Variants in MEGF11 observed in about 807,000 individuals in gnomAD.
MEGF11 encodes multiple EGF like domains 11, also known as multiple epidermal growth factor-like domains protein 11.
Under a neutral mutation model 146.6 loss-of-function variants are expected in MEGF11, and 126 were observed. The ratio of observed to expected loss-of-function variants is 0.86; its 90% CI spans 0.74 to 1.00. The LOEUF (loss-of-function observed/expected upper bound fraction) is 1.00. MEGF11 is among the 50% of genes least tolerant of loss of function. The pLI is 0.00. For synonymous variants in MEGF11, 532 were observed against 583.4 expected (o/e 0.91, Z 1.27); for missense variants, 1,509 against 1,521.2 (o/e 0.99, Z 0.13).
At chr15:66,153,324 C>T (rs556101390) in intron 1 of MEGF11, among the ~76,000 whole-genome samples, 15 of 152,274 alleles carry the variant, frequency 9.9e-5, no homozygotes, top group African/African-American at 3.1e-4. Flanking sequence ...CCTGTAATCC[C>T]AGCACTTTGG....
chr15:66,201,778 CAAA>C (rs60006667), intron 1 of MEGF11, among the ~76,000 whole-genome samples: 1 of 99,206 alleles, frequency 1.0e-5, no homozygotes, highest in Non-Finnish European at 2.1e-5. Context: ...CTAAAAATCC[CAAA>C]AAAAAAAAAA....
intron 5 of MEGF11, among the ~76,000 whole-genome samples, chr15:66,018,729 G>C (rs2082986177): frequency 6.6e-6 from 1 of 152,226 alleles, no homozygotes; most frequent in Admixed American, 6.5e-5. Context: ...GTGTGGGGTT[G>C]TGGAATGGTG....
chr15:66,090,350 T>A (rs1360550336), intron 5 of MEGF11, among the ~76,000 whole-genome samples: 8 of 152,122 alleles, frequency 5.3e-5, no homozygotes, highest in Admixed American at 6.5e-5. Flanking sequence ...ATAAGAAGAA[T>A]CACTACAGCA....
At chr15:66,076,688 C>A (rs1443907853) in intron 5 of MEGF11, among the ~76,000 whole-genome samples, 1 of 152,176 alleles carries the variant, frequency 6.6e-6, no homozygotes, top group Non-Finnish European at 1.5e-5. Flanking sequence ...CAGGATATCT[C>A]CCTGGCTGCA....
At chr15:66,242,078 T>G (rs939327582) in intron 1 of MEGF11, among the ~76,000 whole-genome samples, 6 of 152,154 alleles carry the variant, frequency 3.9e-5, no homozygotes, top group Non-Finnish European at 5.9e-5. Flanking sequence ...TGCAGAACAT[T>G]AAATCTTCAT....
intron 8 of MEGF11, among the ~76,000 whole-genome samples, chr15:65,969,646 T>A (rs1464541979): frequency 6.6e-6 from 1 of 152,166 alleles, no homozygotes; most frequent in East Asian, 1.9e-4. Flanking sequence ...AATGGAGGGA[T>A]TCATTGGTTA....
intron 1 of MEGF11, among the ~76,000 whole-genome samples, chr15:66,207,075 T>C (rs1469049027): frequency 6.6e-6 from 1 of 152,032 alleles, no homozygotes; most frequent in African/African-American, 2.4e-5. Flanking sequence ...CCATGAAGCA[T>C]GTCAATACAC....
chr15:65,996,935 C>T (rs1441124500), intron 5 of MEGF11, among the ~76,000 whole-genome samples: 1 of 152,248 alleles, frequency 6.6e-6, no homozygotes, highest in Non-Finnish European at 1.5e-5. Context: ...CCAGGTCCAC[C>T]CAGCATTCTC....
At chr15:65,911,856 A>G (rs1182451548) in intron 21 of MEGF11, among the ~76,000 whole-genome samples, 1 of 152,202 alleles carries the variant, frequency 6.6e-6, no homozygotes, top group Non-Finnish European at 1.5e-5. Context: ...ATACTGAGTG[A>G]TGCTGTGGGT....
At chr15:66,127,688 A>C (rs554405064) in intron 2 of MEGF11, among the ~76,000 whole-genome samples, 1 of 152,268 alleles carries the variant, frequency 6.6e-6, no homozygotes, top group South Asian at 2.1e-4. Flanking sequence ...CAATACTTTA[A>C]CCTTGTGCTT....
intron 5 of MEGF11, among the ~76,000 whole-genome samples, chr15:66,064,652 G>T (rs1465394077): frequency 6.6e-6 from 1 of 151,788 alleles, no homozygotes; most frequent in Admixed American, 6.6e-5. Flanking sequence ...CAAGTAGCTA[G>T]GATTACAGGC....
chr15:66,194,669 A>AG (rs1186647881), intron 1 of MEGF11, among the ~76,000 whole-genome samples: 3 of 65,390 alleles, frequency 4.6e-5, no homozygotes, highest in African/African-American at 1.8e-4. Flanking sequence ...TCAGGGAAGA[A>AG]GGGGGAGGGG....
chr15:66,122,294 A>C (rs2140928389), intron 3 of MEGF11, among the ~76,000 whole-genome samples: 1 of 152,248 alleles, frequency 6.6e-6, no homozygotes, highest in Non-Finnish European at 1.5e-5. Flanking sequence ...AGAAAAAAAA[A>C]AGCAATCAGT....
At chr15:66,019,274 G>A (rs2083012362) in intron 5 of MEGF11, among the ~76,000 whole-genome samples, 1 of 152,200 alleles carries the variant, frequency 6.6e-6, no homozygotes, top group African/African-American at 2.4e-5. Flanking sequence ...TCCTGACATG[G>A]CATCCTTCTG....
chr15:66,180,665 G>GT (rs1341686490), intron 1 of MEGF11, among the ~76,000 whole-genome samples: 4 of 152,244 alleles, frequency 2.6e-5, no homozygotes, highest in Admixed American at 1.3e-4. Context: ...GTAATCCATT[G>GT]TAACACTTTA....
intron 13 of MEGF11, among the ~76,000 whole-genome samples, chr15:65,928,094 C>G (rs1398252465): frequency 6.6e-6 from 1 of 152,080 alleles, no homozygotes; most frequent in Non-Finnish European, 1.5e-5. Flanking sequence ...GATATAAGGA[C>G]CAGGATTCTG....
chr15:65,933,105 G>A (rs868010757), intron 10 of MEGF11, among the ~76,000 whole-genome samples: 7 of 152,150 alleles, frequency 4.6e-5, no homozygotes, highest in Admixed American at 1.3e-4. Context: ...GCCCTTTTCT[G>A]CTTCTGTCTC....
Position 65,950,109 on chromosome 15 carries a change from C to G in MEGF11, c.1287+7438G>C, listed in dbSNP as rs551312474. 3.9e-5 allele frequency among the ~76,000 whole-genome samples: 6 copies of G among 152,272 alleles called. No homozygotes were observed. The East Asian group carries it at 1.2e-3, about 29-fold the overall frequency. ...AGTCATCCTCTTCAAGTGAGAGACC[C>G]CTTGGTGTAAATAACAACAGCAGCA... On this transcript the variant is annotated intron_variant, in intron 10 of 25. Coordinates refer to ENST00000395614, the MANE Select transcript of MEGF11 (RefSeq NM_001385028.1).
At chr15:66,119,548 T>C (rs2087912442) in intron 3 of MEGF11, among the ~76,000 whole-genome samples, 2 of 152,184 alleles carry the variant, frequency 1.3e-5, no homozygotes, top group Non-Finnish European at 2.9e-5. Context: ...GTGACCTGGA[T>C]AGGAGTCAGG....
Sources: gnomAD v4.1 joint callset for allele counts (sites outside exome capture counted in the v4.1 genomes callset) on GRCh38, gnomAD v4.1.1 for gene constraint, MANE v1.5 for transcripts, NCBI Gene and HGNC (gene_info 2026-07-23, HGNC 2026-07-21) for gene names.